The following TMEM233 variants were observed in gnomAD, a reference collection of about 807,000 sequenced individuals.
TMEM233 encodes transmembrane protein 233, also known as dispanin subfamily B member 2.
Under a neutral mutation model 11.2 loss-of-function variants are expected in TMEM233, and 6 were observed. The observed-to-expected ratio is 0.54, with a 90% CI of 0.29 to 1.06. TMEM233 has a LOEUF of 1.06. Ranked by LOEUF, TMEM233 falls within the 50% of genes least tolerant of loss-of-function variation. The pLI, the probability that TMEM233 is intolerant of heterozygous loss-of-function variation, is 0.08. For missense variants in TMEM233, 127 were observed against 144.7 expected, an observed-to-expected ratio of 0.88 and a Z score of 0.63; for synonymous variants, 59 against 55.8, an observed-to-expected ratio of 1.06 and a Z score of -0.26.
chr12:119,626,588 A>G (rs1954772017), intron 1 of TMEM233, among the ~76,000 whole-genome samples: 1 of 137,402 alleles, frequency 7.3e-6, no homozygotes, highest in Non-Finnish European at 1.6e-5. Context: ...AGAGAAGAGA[A>G]GAGAAGAGAA....
At chr12:119,646,952 AAC>A (rs1955160921), downstream of TMEM233, among the ~76,000 whole-genome samples, 1 of 152,346 alleles carries the variant, frequency 6.6e-6, no homozygotes, top group Non-Finnish European at 1.5e-5. Context: ...TCGCTTAAAA[AAC>A]ACACACAGCA....
intron 1 of TMEM233, among the ~76,000 whole-genome samples, chr12:119,604,968 CT>C (rs1954239609): frequency 6.7e-6 from 1 of 148,870 alleles, no homozygotes; most frequent in Non-Finnish European, 1.5e-5. Flanking sequence ...CGTAGCCAAA[CT>C]TTTGCTAATT....
At chr12:119,619,093 C>T (rs966393062) in intron 1 of TMEM233, among the ~76,000 whole-genome samples, 1 of 152,108 alleles carries the variant, frequency 6.6e-6, no homozygotes, top group Non-Finnish European at 1.5e-5. Flanking sequence ...TCACAAGATC[C>T]GATGGTTTTA....
At chr12:119,644,478 C>CTTTTTTTTTTT (rs58075242), downstream of TMEM233, among the ~76,000 whole-genome samples, 29 of 126,956 alleles carry the variant, frequency 2.3e-4, no homozygotes, top group Non-Finnish European at 3.5e-4. Context: ...TTTTTCTTTT[C>CTTTTTTTTTTT]TTTTTTTTTT....
chr12:119,644,788 C>T (rs1472452883), downstream of TMEM233, among the ~76,000 whole-genome samples: 1 of 152,118 alleles, frequency 6.6e-6, no homozygotes, highest in Admixed American at 6.5e-5. Flanking sequence ...CTCCTCATAG[C>T]TTTTCAATTT....
At chr12:119,622,559 C>T (rs530047605) in intron 1 of TMEM233, among the ~76,000 whole-genome samples, 17 of 152,210 alleles carry the variant, frequency 1.1e-4, no homozygotes, top group Non-Finnish European at 1.8e-4. Flanking sequence ...GCCAGGAGAA[C>T]CTCAGTATAA....
At chr12:119,623,785 C>T (rs1277685758) in intron 1 of TMEM233, among the ~76,000 whole-genome samples, 1 of 152,190 alleles carries the variant, frequency 6.6e-6, no homozygotes, top group African/African-American at 2.4e-5. Context: ...ATACCAACCA[C>T]TTGACACACA....
At chr12:119,598,330 G>C (rs553547190) in intron 1 of TMEM233, among the ~76,000 whole-genome samples, 3 of 152,276 alleles carry the variant, frequency 2.0e-5, no homozygotes, top group African/African-American at 7.2e-5. Context: ...AGACGAGTTT[G>C]TGCCCACCCT....
intron 1 of TMEM233, among the ~76,000 whole-genome samples, chr12:119,608,081 T>C (rs529605374): frequency 4.6e-5 from 7 of 152,346 alleles, no homozygotes; most frequent in Non-Finnish European, 1.0e-4. Context: ...AAGTTAATGC[T>C]TGGAGAGTTA....
chr12:119,637,298 TAAC>T (rs1954984823), intron 2 of TMEM233, among the ~76,000 whole-genome samples: 1 of 152,222 alleles, frequency 6.6e-6, no homozygotes, highest in South Asian at 2.1e-4. Flanking sequence ...TTGCCATTCT[TAAC>T]AACAACAGCC....
chr12:119,625,964 G>C (rs913957045), intron 1 of TMEM233, among the ~76,000 whole-genome samples: 2 of 152,018 alleles, frequency 1.3e-5, no homozygotes, highest in Admixed American at 1.3e-4. Flanking sequence ...TCCTAGACAC[G>C]ATCAAGGATC....
At chr12:119,646,708 T>A (rs188596018), downstream of TMEM233, among the ~76,000 whole-genome samples, 1 of 152,340 alleles carries the variant, frequency 6.6e-6, no homozygotes, top group East Asian at 1.9e-4. Flanking sequence ...TTGTTCTGAC[T>A]CCTTTTCCTC....
Position 119,640,881 on chromosome 12 carries a change from A to G in TMEM233, c.*176A>G. Reference sequence around the variant, plus strand: ...GAAAAAAAAAAAAAAAAAGTCCAAAATTTAGGCAATCCAAGCTGCACAGCC... The same window carrying G: ...GAAAAAAAAAAAAAAAAAGTCCAAAGTTTAGGCAATCCAAGCTGCACAGCC... On this transcript the variant is annotated 3_prime_UTR_variant, in exon 3 of 3. Coordinates refer to ENST00000426426, the MANE Select transcript of TMEM233 (RefSeq NM_001136534.3). 1 of 647,746 alleles carries G rather than the reference A, an allele frequency of 1.5e-6. No homozygotes were observed. The highest frequency in any genetic ancestry group is 3.2e-5 in the Admixed American group (1 of 31,600). 40.1% of individuals were successfully genotyped at this position (647,746 alleles called of 1,614,324 possible).
rs540279826 is a variant in TMEM233 at position 119,606,432 on chromosome 12, T to C, written c.186+12398T>C. Among the ~76,000 whole-genome samples, 7 of 152,160 alleles carry C rather than the reference T, an allele frequency of 4.6e-5. No homozygotes were observed. The East Asian group carries it at 9.6e-4, about 21-fold the overall frequency. On this transcript the variant is annotated intron_variant, in intron 1 of 2. Coordinates refer to ENST00000426426, the MANE Select transcript of TMEM233 (RefSeq NM_001136534.3). Reference sequence around the variant, plus strand: ...GGTTTTGAAAGAGAGAAGATGTGGTTTGAAGAATAAAAAACATGTTCTAAA... The same window carrying C: ...GGTTTTGAAAGAGAGAAGATGTGGTCTGAAGAATAAAAAACATGTTCTAAA...
Position 119,595,125 on chromosome 12 carries a change from C to A in TMEM233, c.186+1091C>A, listed in dbSNP as rs1954012190. 6.6e-6 allele frequency among the ~76,000 whole-genome samples: 1 copy of A among 152,226 alleles called. No individual in the cohort carries two copies. The highest frequency in any genetic ancestry group is 1.5e-5 in the Non-Finnish European group (1 of 68,032). ...ACCCTGGTAGGAACACCCGAGCGAA[C>A]CCCACCAGGAGGGCGACGAGCGCCT... On this transcript the variant is annotated intron_variant, in intron 1 of 2. Coordinates refer to ENST00000426426, the MANE Select transcript of TMEM233 (RefSeq NM_001136534.3). The surrounding 1 kb of genome is among the most constrained non-coding windows in gnomAD (Gnocchi z 4.3).
chr12:119,600,299 G>A (rs1425561319), intron 1 of TMEM233, among the ~76,000 whole-genome samples: 3 of 150,464 alleles, frequency 2.0e-5, no homozygotes, highest in African/African-American at 4.9e-5. Flanking sequence ...ACTATATTCT[G>A]TCCACAAGAC....
At chr12:119,617,958 A>C (rs1353905761) in intron 1 of TMEM233, among the ~76,000 whole-genome samples, 2 of 152,240 alleles carry the variant, frequency 1.3e-5, no homozygotes, top group African/African-American at 4.8e-5. Context: ...GAGACTTTGA[A>C]GGCAGCCCCT....
intron 2 of TMEM233, among the ~76,000 whole-genome samples, chr12:119,639,164 A>C (rs1169405424): frequency 6.6e-6 from 1 of 152,140 alleles, no homozygotes; most frequent in Non-Finnish European, 1.5e-5. Context: ...CATATATTAC[A>C]TTAGCAAAGA....
chr12:119,602,973 G>C (rs1003642486), intron 1 of TMEM233, among the ~76,000 whole-genome samples: 3 of 152,040 alleles, frequency 2.0e-5, no homozygotes, highest in African/African-American at 7.2e-5. Flanking sequence ...GTAAAAAGAG[G>C]GCCAGGCACG....
Sources: gnomAD v4.1 joint callset for allele counts (sites outside exome capture counted in the v4.1 genomes callset) on GRCh38, gnomAD v4.1.1 for gene constraint, Gnocchi (gnomAD v3.1) non-coding constraint, MANE v1.5 for transcripts, NCBI Gene and HGNC (gene_info 2026-07-23, HGNC 2026-07-21) for gene names.